Variants in CACNA2D3 observed in about 807,000 individuals in gnomAD.
The protein encoded by CACNA2D3 is voltage-dependent calcium channel subunit alpha-2/delta-3.
CACNA2D3 carries 60 observed loss-of-function variants against 160.6 expected under a neutral mutation model. The observed-to-expected ratio is 0.37, with a 90% CI of 0.30 to 0.46. The LOEUF is 0.46. Among genes scored for constraint, CACNA2D3 ranks in the 20% least tolerant of loss-of-function variants. The pLI is 1.00. For synonymous variants in CACNA2D3, 558 were observed against 492.9 expected (o/e 1.13, Z -1.75); for missense variants, 1,205 against 1,365.0 (o/e 0.88, Z 1.85).
At chr3:54,176,641 G>A (rs1576980188) in intron 2 of CACNA2D3, among the ~76,000 whole-genome samples, 1 of 152,080 alleles carries the variant, frequency 6.6e-6, no homozygotes. Context: ...GCTTTTTGTT[G>A]TCATTGTCAT....
chr3:54,550,887 G>A (rs149549801), intron 5 of CACNA2D3, among the ~76,000 whole-genome samples: 18 of 152,282 alleles, frequency 1.2e-4, no homozygotes, highest in African/African-American at 4.1e-4. Context: ...GTGTTTGCAA[G>A]CACATCCTCT....
At position 54,472,090 on chromosome 3, in the gene CACNA2D3, A is replaced by G. The variant is rs1027788458; in HGVS notation, c.382-31402A>G. Among the ~76,000 whole-genome samples, 24 of 152,326 alleles carry G rather than the reference A, an allele frequency of 1.6e-4. 1 individual carries two copies. In the South Asian group the frequency reaches 1.9e-3, roughly 12 times the overall value. ...GATACCAAAACCTGGCAGAGACACA[A>G]GAAAAAAAGAAAATTTCAGGCCAGT... On this transcript the variant is annotated intron_variant, in intron 4 of 37. Transcript: ENST00000474759.
chr3:54,892,214 G>T (rs1700086073), intron 25 of CACNA2D3, among the ~76,000 whole-genome samples: 1 of 152,160 alleles, frequency 6.6e-6, no homozygotes, highest in African/African-American at 2.4e-5. Flanking sequence ...TGGGTCCCAA[G>T]ATTCAGAAAG....
chr3:54,616,252 A>G (rs1300262237), intron 9 of CACNA2D3, among the ~76,000 whole-genome samples: 1 of 152,140 alleles, frequency 6.6e-6, no homozygotes, highest in African/African-American at 2.4e-5. Context: ...TGGTCTTCCA[A>G]GGGCTGGCTA....
chr3:54,172,947 G>A (rs1157260536), intron 2 of CACNA2D3, among the ~76,000 whole-genome samples: 1 of 152,176 alleles, frequency 6.6e-6, no homozygotes, highest in Non-Finnish European at 1.5e-5. Context: ...AGAGCTGAGG[G>A]CAGGATGGGG....
At chr3:54,215,744 C>T (rs1315262538) in intron 2 of CACNA2D3, among the ~76,000 whole-genome samples, 1 of 152,044 alleles carries the variant, frequency 6.6e-6, no homozygotes, top group African/African-American at 2.4e-5. Flanking sequence ...CCCTAGTGCC[C>T]CTAGGTGTGA....
At chr3:54,919,886 C>A (rs1700785433) in intron 27 of CACNA2D3, among the ~76,000 whole-genome samples, 1 of 152,162 alleles carries the variant, frequency 6.6e-6, no homozygotes, top group African/African-American at 2.4e-5. Flanking sequence ...ATGCTCAGTC[C>A]AAGTTTTTTC....
At chr3:54,686,469 A>C (rs1700451216) in intron 11 of CACNA2D3, among the ~76,000 whole-genome samples, 1 of 152,242 alleles carries the variant, frequency 6.6e-6, no homozygotes. Flanking sequence ...CTGAATCTAC[A>C]AAACAACAGG....
intron 11 of CACNA2D3, among the ~76,000 whole-genome samples, chr3:54,728,109 A>C (rs1006890968): frequency 6.6e-6 from 1 of 152,160 alleles, no homozygotes; most frequent in Non-Finnish European, 1.5e-5. Flanking sequence ...ATCTTCTTGA[A>C]TCTATGGCCG....
At chr3:54,151,988 C>A (rs775933361) in intron 2 of CACNA2D3, among the ~76,000 whole-genome samples, 9 of 152,246 alleles carry the variant, frequency 5.9e-5, no homozygotes, top group Admixed American at 2.6e-4. Flanking sequence ...GCCACCTCTT[C>A]TATGAAGCCT....
intron 13 of CACNA2D3, among the ~76,000 whole-genome samples, chr3:54,773,773 C>G (rs1028974996): frequency 2.6e-5 from 4 of 151,972 alleles, no homozygotes; most frequent in Non-Finnish European, 4.4e-5. Flanking sequence ...TCCATTGATT[C>G]TAGAGTTTTC....
intron 17 of CACNA2D3, among the ~76,000 whole-genome samples, chr3:54,870,486 G>A (rs148020319): frequency 6.0e-4 from 92 of 152,252 alleles, no homozygotes; most frequent in Admixed American, 1.6e-3. Context: ...ACTGATGAAC[G>A]TGTAAAGGGG....
In CACNA2D3 at chr3:54,362,400, C is replaced by T. The variant is rs576784301; in HGVS notation, c.322-24315C>T. On this transcript the variant is annotated intron_variant, in intron 3 of 37. Coordinates refer to ENST00000474759, the MANE Select transcript of CACNA2D3 (RefSeq NM_018398.3). Reference sequence around the variant, plus strand: ...AGTCCTAGTCATGGGGCTCTCTCACCGTGTGGCAGGGAATCAATGGCTCCC... The same window carrying T: ...AGTCCTAGTCATGGGGCTCTCTCACTGTGTGGCAGGGAATCAATGGCTCCC... Among the ~76,000 whole-genome samples, 59 of 152,296 alleles carry T rather than the reference C, an allele frequency of 3.9e-4. 1 individual carries two copies. In the South Asian group the frequency reaches 9.1e-3, roughly 24 times the overall value.
chr3:54,757,757 A>G (rs1371137030), intron 12 of CACNA2D3, among the ~76,000 whole-genome samples: 2 of 152,196 alleles, frequency 1.3e-5, no homozygotes, highest in Non-Finnish European at 2.9e-5. Context: ...CAAAGGCTCT[A>G]TGAGGTACTG....
chr3:54,332,280 A>G (rs548649592), intron 3 of CACNA2D3, among the ~76,000 whole-genome samples: 1 of 152,354 alleles, frequency 6.6e-6, no homozygotes, highest in Non-Finnish European at 1.5e-5. Flanking sequence ...ACATTTGCAT[A>G]GTCAATGATT....
intron 2 of CACNA2D3, among the ~76,000 whole-genome samples, chr3:54,173,193 G>T (rs1468463148): frequency 3.3e-5 from 5 of 152,172 alleles, no homozygotes; most frequent in Non-Finnish European, 5.9e-5. Flanking sequence ...TGTTTAATTT[G>T]TTTAACCAGA....
At chr3:54,866,602 G>C (rs1699406266) in intron 17 of CACNA2D3, among the ~76,000 whole-genome samples, 1 of 152,214 alleles carries the variant, frequency 6.6e-6, no homozygotes, top group Admixed American at 6.5e-5. Flanking sequence ...GTTCCACAGA[G>C]GCTGCATGGA....
intron 35 of CACNA2D3, among the ~76,000 whole-genome samples, chr3:55,058,389 T>A (rs965518293): frequency 2.2e-4 from 33 of 152,266 alleles, no homozygotes; most frequent in African/African-American, 7.2e-4. Flanking sequence ...ATACAGCTGA[T>A]GTTATAGAGA....
At chr3:54,595,080 C>T (rs1702926673) in intron 9 of CACNA2D3, among the ~76,000 whole-genome samples, 2 of 152,146 alleles carry the variant, frequency 1.3e-5, no homozygotes, top group South Asian at 4.1e-4. Context: ...AAAAGAGTAT[C>T]ACTGAATATG....
Sources: gnomAD v4.1 joint callset for allele counts (sites outside exome capture counted in the v4.1 genomes callset) on GRCh38, gnomAD v4.1.1 for gene constraint, MANE v1.5 for transcripts, NCBI Gene and HGNC (gene_info 2026-07-23, HGNC 2026-07-21) for gene names.